Variants in FAAH2 observed in about 807,000 individuals in gnomAD.
The protein encoded by FAAH2 is fatty acid amide hydrolase 2, also known as fatty-acid amide hydrolase 2.
A neutral mutation model predicts 36.9 loss-of-function variants in FAAH2; 60 were observed. That is an observed-to-expected ratio of 1.63 (90% confidence interval 1.32 to 2.02). The LOEUF (loss-of-function observed/expected upper bound fraction) is 2.02. Among genes scored for constraint, FAAH2 ranks in the 30% most tolerant of loss-of-function variants. FAAH2 has a pLI of 0.00. For missense variants in FAAH2, 689 were observed against 397.5 expected (o/e 1.73, Z -6.23); for synonymous variants, 214 against 143.8 (o/e 1.49, Z -3.49).
At chrX:57,370,126 C>T (rs905657434) in intron 5 of FAAH2, among the ~76,000 whole-genome samples, 4 of 110,455 alleles carry the variant, frequency 3.6e-5, no homozygotes, top group African/African-American at 9.9e-5. Context: ...AAATGACAAA[C>T]GTAAAAAAAT....
At chrX:57,377,485 G>A (rs192383383) in intron 5 of FAAH2, among the ~76,000 whole-genome samples, 494 of 111,882 alleles carry the variant, frequency 4.4e-3, no homozygotes, top group Non-Finnish European at 7.1e-3. Flanking sequence ...TGAGGGATCT[G>A]TTCTGTTCCT....
the FAAH2 span, among the ~76,000 whole-genome samples, chrX:57,207,868 G>A: frequency 8.9e-6 from 1 of 112,991 alleles, no homozygotes; most frequent in Admixed American, 9.3e-5. Context: ...ACTACTGGCT[G>A]TGTCAGGGGA....
the FAAH2 span, among the ~76,000 whole-genome samples, chrX:57,160,319 T>C: frequency 9.0e-6 from 1 of 111,523 alleles, no homozygotes; most frequent in Non-Finnish European, 1.9e-5. Flanking sequence ...GTTGTATCTC[T>C]GCCAGGCTTT....
the FAAH2 span, among the ~76,000 whole-genome samples, chrX:57,124,518 C>T: frequency 1.8e-5 from 2 of 111,541 alleles, no homozygotes; most frequent in African/African-American, 3.3e-5. Flanking sequence ...AACTTTAAAG[C>T]AGTTTTTTCC....
the FAAH2 span, among the ~76,000 whole-genome samples, chrX:57,167,515 T>C: frequency 2.7e-5 from 3 of 111,811 alleles, no homozygotes; most frequent in Admixed American, 9.6e-5. Context: ...AAACCCCTTT[T>C]CCCCCTCAGT....
the FAAH2 span, among the ~76,000 whole-genome samples, chrX:57,247,183 A>G: frequency 3.7e-4 from 41 of 111,764 alleles, no homozygotes; most frequent in Admixed American, 3.4e-3. Flanking sequence ...TAGGTTAATA[A>G]TTGTTGAGAA....
chrX:57,208,065 C>T, the FAAH2 span, among the ~76,000 whole-genome samples: 25 of 112,865 alleles, frequency 2.2e-4, no homozygotes, highest in Admixed American at 2.2e-3. Context: ...CTATATCACC[C>T]TCTTGTCTAG....
At chrX:57,158,713 T>A in the FAAH2 span, among the ~76,000 whole-genome samples, 4 of 112,283 alleles carry the variant, frequency 3.6e-5, no homozygotes, top group Non-Finnish European at 7.5e-5. Flanking sequence ...CTTGTAAATT[T>A]GTTTGAGTTC....
the FAAH2 span, among the ~76,000 whole-genome samples, chrX:57,169,821 AGT>A: frequency 9.5e-6 from 1 of 105,778 alleles, no homozygotes; most frequent in Non-Finnish European, 1.9e-5. Context: ...GTCTAACAAT[AGT>A]GTGAGTTAAT....
chrX:57,464,919 A>G (rs1231428575), intron 10 of FAAH2, among the ~76,000 whole-genome samples: 1 of 111,939 alleles, frequency 8.9e-6, no homozygotes, highest in African/African-American at 3.2e-5. Flanking sequence ...TTTATCTTGG[A>G]CTTAGAAGAC....
chrX:57,443,246 A>G (rs1469974478), intron 8 of FAAH2, among the ~76,000 whole-genome samples: 2 of 111,983 alleles, frequency 1.8e-5, no homozygotes, highest in Non-Finnish European at 3.8e-5. Context: ...TTTCAGGTAC[A>G]CCAATCAGAT....
intron 10 of FAAH2, among the ~76,000 whole-genome samples, chrX:57,482,417 G>T (rs1486823327): frequency 8.9e-6 from 1 of 111,779 alleles, no homozygotes; most frequent in Non-Finnish European, 1.9e-5. Context: ...TCTGCAGATT[G>T]TGAAAACCAT....
chrX:57,287,062 C>A (rs764722182), intron 1 of FAAH2, 45 bp downstream of exon 1: 31 of 1,087,506 alleles, frequency 2.9e-5, no homozygotes, highest in Non-Finnish European at 3.5e-5. Context: ...GGTCTTTTAG[C>A]AGGATCCAGG....
At chrX:57,467,729 G>C (rs1445772518) in intron 10 of FAAH2, among the ~76,000 whole-genome samples, 1 of 111,832 alleles carries the variant, frequency 8.9e-6, no homozygotes. Context: ...AAATGTCCCT[G>C]TCTGACAGCT....
chrX:57,224,732 C>T, the FAAH2 span, among the ~76,000 whole-genome samples: 2 of 112,358 alleles, frequency 1.8e-5, no homozygotes, highest in African/African-American at 6.5e-5. Context: ...CCTATCATCA[C>T]TTGATGTGGA....
chrX:57,399,480 C>A (rs1266563819), intron 7 of FAAH2, among the ~76,000 whole-genome samples: 1 of 111,978 alleles, frequency 8.9e-6, no homozygotes, highest in Non-Finnish European at 1.9e-5. Flanking sequence ...CTTTCTCTTG[C>A]TGAGTACTGG....
the FAAH2 span, among the ~76,000 whole-genome samples, chrX:57,145,748 G>T: frequency 8.9e-6 from 1 of 111,816 alleles, no homozygotes; most frequent in Admixed American, 9.5e-5. Flanking sequence ...AGTGAGAGAT[G>T]AGGATCTAGT....
At chrX:57,159,771 A>G in the FAAH2 span, among the ~76,000 whole-genome samples, 1 of 111,927 alleles carries the variant, frequency 8.9e-6, no homozygotes, top group Non-Finnish European at 1.9e-5. Flanking sequence ...ATATACAATG[A>G]TGTGATCTGC....
chrX:57,223,217 C>T, the FAAH2 span, among the ~76,000 whole-genome samples: 3 of 111,499 alleles, frequency 2.7e-5, no homozygotes, highest in Non-Finnish European at 3.8e-5. Context: ...CACCAAACCC[C>T]GGATGATCCT....
Sources: allele counts gnomAD v4.1 joint callset (sites outside exome capture counted in the v4.1 genomes callset), GRCh38; gene constraint gnomAD v4.1.1; transcripts MANE v1.5; gene names NCBI Gene and HGNC (gene_info 2026-07-23, HGNC 2026-07-21).